The following SLC26A9 variants were observed in gnomAD, a reference collection of about 807,000 sequenced individuals.
The protein encoded by SLC26A9 is anion transporter/exchanger protein 9.
Under a neutral mutation model 87.1 loss-of-function variants are expected in SLC26A9, and 46 were observed. The observed-to-expected ratio is 0.53, with a 90% CI of 0.42 to 0.67. SLC26A9 has a LOEUF of 0.67. SLC26A9 is among the 30% of genes least tolerant of loss of function. SLC26A9 has a pLI of 0.00. For synonymous variants in SLC26A9, 437 were observed against 409.1 expected (o/e 1.07, Z -0.82); for missense variants, 927 against 1,018.3 (o/e 0.91, Z 1.22).
chr1:205,918,181 A>C (rs1658674111), intron 19 of SLC26A9, among the ~76,000 whole-genome samples: 1 of 152,190 alleles, frequency 6.6e-6, no homozygotes, highest in Non-Finnish European at 1.5e-5. Flanking sequence ...TTGGGAGGCC[A>C]AGGGCAGGAG....
chr1:205,929,955 C>G lies in SLC26A9; in HGVS notation c.654G>C (p.Ser218=), dbSNP rs368231526. Residue 218 remains serine (S), a synonymous_variant, in exon 6 of 21, where the codon TCG becomes TCC. Coordinates refer to ENST00000367135, the MANE Select transcript of SLC26A9 (RefSeq NM_052934.4). ...MTAAGLQILI[S]VLKYIFGLTI... ...TCAGTCCGAAGATGTACTTGAGCACCGAAATCAGGATCTGCAGGCCGGCGG... is the reference window on the plus strand; with the variant it reads ...TCAGTCCGAAGATGTACTTGAGCACGGAAATCAGGATCTGCAGGCCGGCGG... 9.3e-6 allele frequency: 15 copies of G among 1,613,726 alleles called. No homozygotes were observed. The highest frequency in any genetic ancestry group is 1.3e-5 in the Non-Finnish European group (15 of 1,179,788).
rs1658505955 is a variant in SLC26A9, at chr1:205,914,820, G to T, written c.*537C>A. The T allele has an allele frequency of 1.9e-6, 3 of 1,539,896 alleles. No homozygotes were observed. The highest frequency in any genetic ancestry group is 2.6e-6 in the Non-Finnish European group (3 of 1,136,454). On this transcript the variant is annotated 3_prime_UTR_variant, in exon 21 of 21. Transcript: ENST00000367135. Reference sequence around the variant, plus strand: ...TGGGTGTGGAGAGCACATGGTCCCTGGGTGCAGAGCTGCCAGAGACAGAGT... The same window carrying T: ...TGGGTGTGGAGAGCACATGGTCCCTTGGTGCAGAGCTGCCAGAGACAGAGT...
chr1:205,940,476 G>A (rs773712593), intron 1 of SLC26A9, among the ~76,000 whole-genome samples: 5 of 152,152 alleles, frequency 3.3e-5, no homozygotes, highest in East Asian at 1.9e-4. Context: ...GGCTCGGAAC[G>A]GCACCTGGCC....
At position 205,921,584 on chromosome 1, in the gene SLC26A9, G is replaced by A. The variant is rs767320262; in HGVS notation, c.2037C>T (p.Gly679=). Residue 679 remains glycine (G), a synonymous_variant, in exon 17 of 21, where the codon GGC becomes GGT. Transcript: ENST00000367135. ...MSGVSFVDLM[G]IKALAKLSST... Reference sequence around the variant, plus strand: ...GCCTCACCTTGGCCAGGGCCTTGATGCCCATCAAGTCCACGAAGCTGACTC... The same window carrying A: ...GCCTCACCTTGGCCAGGGCCTTGATACCCATCAAGTCCACGAAGCTGACTC... 1.2e-6 allele frequency: 2 copies of A among 1,609,944 alleles called. No individual in the cohort carries two copies. The highest frequency in any genetic ancestry group is 1.3e-5 in the African/African-American group (1 of 75,010).
intron 2 of SLC26A9, among the ~76,000 whole-genome samples, chr1:205,933,577 C>T (rs552612723): frequency 1.3e-5 from 2 of 152,216 alleles, no homozygotes; most frequent in African/African-American, 4.8e-5. Flanking sequence ...TCCTGTTCAT[C>T]TTTGTACACC....
intron 5 of SLC26A9, 94 bp from the exon 6 acceptor site, chr1:205,930,150 G>A (rs1659248909): frequency 1.6e-5 from 22 of 1,375,266 alleles, no homozygotes; most frequent in Non-Finnish European, 2.1e-5. Context: ...CTGGAGCTCC[G>A]TGCAGTCCTA....
At chr1:205,919,763 G>A (rs981835286) in intron 18 of SLC26A9, among the ~76,000 whole-genome samples, 3 of 152,180 alleles carry the variant, frequency 2.0e-5, no homozygotes, top group Non-Finnish European at 2.9e-5. Context: ...TTAGGGTACC[G>A]TGTGCTCTAT....
At chr1:205,929,841 T>A (rs763340412) in intron 6 of SLC26A9, 51 bp downstream of exon 6, 12 of 1,537,302 alleles carry the variant, frequency 7.8e-6, no homozygotes, top group East Asian at 2.3e-5. Context: ...ATCCTCCTCA[T>A]GTGTCTGCTG....
intron 18 of SLC26A9, 28 bp from the exon 19 acceptor site, chr1:205,919,013 A>T (rs1443251128): frequency 6.2e-7 from 1 of 1,612,414 alleles, no homozygotes; most frequent in African/African-American, 1.3e-5. Flanking sequence ...CACCTTCAGA[A>T]AGATAACAGC....
intron 5 of SLC26A9, among the ~76,000 whole-genome samples, chr1:205,930,464 A>G (rs1323378251): frequency 6.6e-6 from 1 of 151,986 alleles, no homozygotes; most frequent in Admixed American, 6.6e-5. Context: ...GTCCAGCCCC[A>G]TCTCTTTCTC....
At position 205,915,166 on chromosome 1, in the gene SLC26A9, G is replaced by A; in HGVS notation, c.*191C>T. 1.2e-5 allele frequency: 19 copies of A among 1,612,600 alleles called. No individual in the cohort carries two copies. The highest frequency in any genetic ancestry group is 1.6e-5 in the Non-Finnish European group (19 of 1,178,962). ...ACTCCTGTAAGGGTAGCACCCCCCT[G>A]CTGCTGAGAGGCTCTCTCTGGAGAT... On this transcript the variant is annotated 3_prime_UTR_variant, in exon 21 of 21. Coordinates refer to ENST00000367135, the MANE Select transcript of SLC26A9 (RefSeq NM_052934.4).
At chr1:205,928,215 G>T in intron 8 of SLC26A9, 166 bp from the exon 9 acceptor site, 1 of 783,434 alleles carries the variant, frequency 1.3e-6, no homozygotes, top group Non-Finnish European at 2.0e-6. Flanking sequence ...ATAGGGTAGG[G>T]ACCATCACTC....
rs1173445750 is a variant in SLC26A9, at chr1:205,914,539, C to A, written c.*818G>T. 2 of 250,344 alleles carry A rather than the reference C, an allele frequency of 8.0e-6. No individual in the cohort carries two copies. Among genetic ancestry groups the A allele is most frequent in the Non-Finnish European group, 1.5e-5 (2 of 129,252 alleles). 15.5% of individuals were successfully genotyped at this position (250,344 alleles called of 1,614,324 possible). On this transcript the variant is annotated 3_prime_UTR_variant, in exon 21 of 21. Coordinates refer to ENST00000367135, the MANE Select transcript of SLC26A9 (RefSeq NM_052934.4). ...TCTATTACTAGGATGCCAGATGATTCTGCCAGCTACCCATCCCCCTCTTTG... is the reference window on the plus strand; with the variant it reads ...TCTATTACTAGGATGCCAGATGATTATGCCAGCTACCCATCCCCCTCTTTG...
rs199950091 is a variant in SLC26A9, at chr1:205,914,845, T to C, written c.*512A>G. ...GGGTGCAGAGCTGCCAGAGACAGAGTTGAGGCAGCTGGGGAAGGCAAGCCA... is the reference window on the plus strand; with the variant it reads ...GGGTGCAGAGCTGCCAGAGACAGAGCTGAGGCAGCTGGGGAAGGCAAGCCA... On this transcript the variant is annotated 3_prime_UTR_variant, in exon 21 of 21. Coordinates refer to ENST00000367135, the MANE Select transcript of SLC26A9 (RefSeq NM_052934.4). 436 of 1,568,918 alleles carry C rather than the reference T, an allele frequency of 2.8e-4. 1 individual carries two copies. Among genetic ancestry groups the C allele is most frequent in the South Asian group, 2.3e-3 (186 of 82,032 alleles).
intron 1 of SLC26A9, among the ~76,000 whole-genome samples, chr1:205,936,733 G>A (rs1011807910): frequency 6.6e-6 from 1 of 152,140 alleles, no homozygotes; most frequent in African/African-American, 2.4e-5. Flanking sequence ...TTAGAGTGAG[G>A]ATTTGTATCT....
chr1:205,943,328 C>T (rs1659828217), intron 1 of SLC26A9, 37 bp downstream of exon 1: 1 of 152,186 alleles, frequency 6.6e-6, no homozygotes, highest in South Asian at 2.1e-4. Context: ...GGGATGACCC[C>T]AGCCCAGTGG....
chr1:205,921,506 T>G (rs1658825390), intron 17 of SLC26A9, 60 bp downstream of exon 17: 9 of 1,546,008 alleles, frequency 5.8e-6, no homozygotes, highest in Non-Finnish European at 7.8e-6. Context: ...GGAAAGGGAA[T>G]GTGGAGAGCA....
rs372725308 is a variant in SLC26A9 at position 205,924,006 on chromosome 1, AG to A, written c.1496+376del. On this transcript the variant is annotated intron_variant, in intron 13 of 20. Coordinates refer to ENST00000367135, the MANE Select transcript of SLC26A9 (RefSeq NM_052934.4). ...GTAATACTCCCAGTGTGTAGAACAC[AG>A]CTTCTGTCTTCCACCCTGGCGCTCT... 1.5e-3 allele frequency among the ~76,000 whole-genome samples: 224 copies of A among 152,208 alleles called. 2 individuals are homozygous for A. In the South Asian group the frequency reaches 0.015, roughly 10 times the overall value.
chr1:205,927,458 C>A, intron 10 of SLC26A9, 34 bp downstream of exon 10: 4 of 1,602,688 alleles, frequency 2.5e-6, no homozygotes, highest in Non-Finnish European at 3.4e-6. Flanking sequence ...GTTCTCTTAC[C>A]ACCTCCCCCC....
Sources: allele counts gnomAD v4.1 joint callset (sites outside exome capture counted in the v4.1 genomes callset), GRCh38; gene constraint gnomAD v4.1.1; transcripts MANE v1.5; gene names NCBI Gene and HGNC (gene_info 2026-07-23, HGNC 2026-07-21).